SUGCT: variants seen among roughly 807,000 people sequenced by gnomAD.
SUGCT encodes the protein succinyl-CoA:glutarate-CoA transferase.
A neutral mutation model predicts 55.0 loss-of-function variants in SUGCT; 41 were observed. The ratio of observed to expected loss-of-function variants is 0.74; its 90% CI spans 0.58 to 0.97. The LOEUF (loss-of-function observed/expected upper bound fraction) is 0.97, where lower values mean the gene tolerates loss of function less well. Ranked by LOEUF, SUGCT falls within the 50% of genes least tolerant of loss-of-function variation. The probability of loss-of-function intolerance (pLI) is 0.00; values close to 1 mark genes in which losing one functional copy is unlikely to be tolerated. For synonymous variants in SUGCT, 187 were observed against 200.4 expected (o/e 0.93, Z 0.56); for missense variants, 568 against 547.8 (o/e 1.04, Z -0.37).
intron 9 of SUGCT, among the ~76,000 whole-genome samples, chr7:40,341,488 T>A (rs1307926119): frequency 6.6e-6 from 1 of 152,206 alleles, no homozygotes; most frequent in Admixed American, 6.5e-5. Flanking sequence ...CTCTTGGGAT[T>A]TCTGCTGGGC....
chr7:40,876,604 T>C, the SUGCT span, among the ~76,000 whole-genome samples: 1 of 152,164 alleles, frequency 6.6e-6, no homozygotes, highest in African/African-American at 2.4e-5. Context: ...TGTGTATGAG[T>C]AGTGTTTCAT....
chr7:40,476,166 T>A (rs908324052), intron 11 of SUGCT, among the ~76,000 whole-genome samples: 2 of 152,302 alleles, frequency 1.3e-5, no homozygotes, highest in Non-Finnish European at 1.5e-5. Flanking sequence ...TAAATGTCTA[T>A]GTCTATGTAT....
chr7:40,959,463 A>G, the SUGCT span, among the ~76,000 whole-genome samples: 1 of 152,170 alleles, frequency 6.6e-6, no homozygotes, highest in African/African-American at 2.4e-5. Context: ...CTTTGTTTAC[A>G]CTGTGAGGGG....
At chr7:40,814,550 CT>C (rs1417937974) in intron 13 of SUGCT, among the ~76,000 whole-genome samples, 4 of 151,004 alleles carry the variant, frequency 2.6e-5, no homozygotes, top group African/African-American at 9.7e-5. Flanking sequence ...TCCAGAAGCT[CT>C]GTTTGATTTT....
rs951992169 is a variant in SUGCT at position 40,744,599 on chromosome 7, A to G, written c.1090-4835A>G. Among the ~76,000 whole-genome samples, 21 of 152,198 alleles carry G rather than the reference A, an allele frequency of 1.4e-4. 2 individuals are homozygous for G. Among genetic ancestry groups the G allele is most frequent in the Admixed American group, 1.0e-3 (16 of 15,276 alleles). On this transcript the variant is annotated intron_variant, in intron 12 of 13. Transcript: ENST00000335693. ...CAAGATCAGCCATTTAGTAATTGTG[A>G]AATCTTGGACAAATACTTAGCCCCT...
At position 40,229,238 on chromosome 7, in the gene SUGCT, G is replaced by T. The variant is rs779119289; in HGVS notation, c.485-8397G>T. Among the ~76,000 whole-genome samples the T allele has an allele frequency of 6.6e-5, 10 of 152,292 alleles. No homozygotes were observed. The South Asian group carries it at 8.3e-4, about 13-fold the overall frequency. On this transcript the variant is annotated intron_variant, in intron 6 of 13. Transcript: ENST00000335693. ...AAATAAATATTAAAAAAGAATATGC[G>T]CTGGGTGCGGTGGCTCACGCCTGTA... is the stretch of plus-strand genomic sequence containing the variant.
intron 12 of SUGCT, among the ~76,000 whole-genome samples, chr7:40,722,341 A>C (rs1786385670): frequency 6.6e-6 from 1 of 152,196 alleles, no homozygotes; most frequent in Admixed American, 6.6e-5. Context: ...TGGCAGAGTC[A>C]TATTTTGCTC....
chr7:40,447,941 C>G (rs1321447209), intron 9 of SUGCT, among the ~76,000 whole-genome samples: 1 of 152,074 alleles, frequency 6.6e-6, no homozygotes, highest in Non-Finnish European at 1.5e-5. Flanking sequence ...TTTGGTTCCT[C>G]CAATTTCACT....
intron 8 of SUGCT, among the ~76,000 whole-genome samples, chr7:40,300,832 G>T (rs1304096508): frequency 6.6e-6 from 1 of 152,158 alleles, no homozygotes; most frequent in Non-Finnish European, 1.5e-5. Flanking sequence ...TTATTCTCTG[G>T]TGAGATGCAT....
chr7:40,711,497 A>C (rs1357588242), intron 12 of SUGCT, among the ~76,000 whole-genome samples: 1 of 152,086 alleles, frequency 6.6e-6, no homozygotes, highest in African/African-American at 2.4e-5. Context: ...GCAAGACTCT[A>C]TCTAAAAAAA....
chr7:40,777,696 A>G (rs1789533496), intron 13 of SUGCT, among the ~76,000 whole-genome samples: 2 of 152,062 alleles, frequency 1.3e-5, no homozygotes, highest in Non-Finnish European at 2.9e-5. Flanking sequence ...ACTACCCCAG[A>G]AGATCTTTAA....
At chr7:40,229,320 A>G (rs1178020241) in intron 6 of SUGCT, among the ~76,000 whole-genome samples, 1 of 152,156 alleles carries the variant, frequency 6.6e-6, no homozygotes, top group African/African-American at 2.4e-5. Flanking sequence ...GGAATTCAAG[A>G]CCAGCCTGGC....
At chr7:40,695,747 T>C (rs1008146363) in intron 12 of SUGCT, among the ~76,000 whole-genome samples, 4 of 152,316 alleles carry the variant, frequency 2.6e-5, no homozygotes, top group Non-Finnish European at 4.4e-5. Flanking sequence ...ATAATCGTTA[T>C]GGGGGCTGTC....
chr7:40,933,415 G>T, the SUGCT span, among the ~76,000 whole-genome samples: 1 of 151,970 alleles, frequency 6.6e-6, no homozygotes, highest in South Asian at 2.1e-4. Context: ...TGTGTCTTGG[G>T]GTTGCTCTTC....
intron 13 of SUGCT, among the ~76,000 whole-genome samples, chr7:40,788,398 A>G (rs371851864): frequency 5.9e-4 from 90 of 152,366 alleles, no homozygotes; most frequent in East Asian, 2.3e-3. Flanking sequence ...ATGGATGCCA[A>G]CGATGAGACT....
chr7:40,242,933 A>ATATAT (rs1270335224), intron 7 of SUGCT, among the ~76,000 whole-genome samples: 7 of 17,204 alleles, frequency 4.1e-4, no homozygotes, highest in East Asian at 3.8e-3. Context: ...ATATATATAT[A>ATATAT]TTTTTTTTTT....
intron 7 of SUGCT, among the ~76,000 whole-genome samples, chr7:40,265,590 G>A (rs1791514027): frequency 6.6e-6 from 1 of 151,856 alleles, no homozygotes; most frequent in South Asian, 2.1e-4. Flanking sequence ...CTTAAATTGT[G>A]TATGTAAGTA....
At chr7:40,266,570 A>G (rs7800560) in intron 7 of SUGCT, among the ~76,000 whole-genome samples, 28,510 of 151,744 alleles carry the variant, frequency 0.19, 2,838 homozygotes, top group Middle Eastern at 0.23. Flanking sequence ...AGAAATTATC[A>G]TTGATAATTT....
At chr7:40,890,757 C>T in the SUGCT span, among the ~76,000 whole-genome samples, 1 of 152,150 alleles carries the variant, frequency 6.6e-6, no homozygotes, top group Non-Finnish European at 1.5e-5. Flanking sequence ...CCACAAGAAA[C>T]ATCAATAATC....
Sources: gnomAD v4.1 joint callset for allele counts (sites outside exome capture counted in the v4.1 genomes callset) on GRCh38, gnomAD v4.1.1 for gene constraint, MANE v1.5 for transcripts, NCBI Gene and HGNC (gene_info 2026-07-23, HGNC 2026-07-21) for gene names.